The following RAF1 variants were observed in gnomAD, a reference collection of about 807,000 sequenced individuals.
RAF1 encodes Raf-1 proto-oncogene, serine/threonine kinase, also known as RAF proto-oncogene serine/threonine-protein kinase.
RAF1 carries 27 observed loss-of-function variants against 81.1 expected under a neutral mutation model. That is an observed-to-expected ratio of 0.33 (90% CI 0.25 to 0.46). The LOEUF (loss-of-function observed/expected upper bound fraction) is 0.46. RAF1 is among the 20% of genes least tolerant of loss of function. The probability of loss-of-function intolerance (pLI) is 1.00; values close to 1 mark genes in which losing one functional copy is unlikely to be tolerated. For missense variants in RAF1, 598 were observed against 826.0 expected, an observed-to-expected ratio of 0.72 and a Z score of 3.38; for synonymous variants, 298 against 294.0, an observed-to-expected ratio of 1.01 and a Z score of -0.14.
intron 10 of RAF1, 84 bp from the exon 10 acceptor site, chr3:12,599,892 T>C: frequency 1.6e-6 from 2 of 1,223,694 alleles, no homozygotes; most frequent in Non-Finnish European, 2.4e-6. Context: ...TCAACCCATG[T>C]CATCTGTTTC....
At chr3:12,634,963 A>G (rs1397680412) in intron 1 of RAF1, among the ~76,000 whole-genome samples, 1 of 152,188 alleles carries the variant, frequency 6.6e-6, no homozygotes, top group Non-Finnish European at 1.5e-5. Flanking sequence ...TGTATACAAG[A>G]TATAAACTAA....
intron 3 of RAF1, among the ~76,000 whole-genome samples, chr3:12,610,910 G>A (rs1559436692): frequency 6.6e-6 from 1 of 151,956 alleles, no homozygotes; most frequent in Non-Finnish European, 1.5e-5. Context: ...CCACCATTAG[G>A]AATAGGATAA....
chr3:12,656,858 G>T (rs1193768287), intron 1 of RAF1, among the ~76,000 whole-genome samples: 7 of 152,032 alleles, frequency 4.6e-5, no homozygotes, highest in African/African-American at 1.2e-4. Flanking sequence ...TTAGCCGGGC[G>T]TGGTGGCAGA....
At chr3:12,586,203 G>A (rs1472486524) in intron 14 of RAF1, among the ~76,000 whole-genome samples, 3 of 152,170 alleles carry the variant, frequency 2.0e-5, no homozygotes, top group Non-Finnish European at 4.4e-5. Context: ...GCTTACAGTC[G>A]TTTCTGCCTG....
intron 11 of RAF1, among the ~76,000 whole-genome samples, chr3:12,596,840 T>A (rs1351269778): frequency 6.6e-6 from 1 of 152,154 alleles, no homozygotes; most frequent in Non-Finnish European, 1.5e-5. Flanking sequence ...AAGCATGGCA[T>A]AAAAGTCCAC....
chr3:12,614,333 T>G (rs2059307051), intron 2 of RAF1, among the ~76,000 whole-genome samples: 1 of 152,150 alleles, frequency 6.6e-6, no homozygotes, highest in Non-Finnish European at 1.5e-5. Context: ...GAAAACAGAT[T>G]AAGCAGGCCT....
chr3:12,596,566 G>A (rs1032692560), intron 11 of RAF1, among the ~76,000 whole-genome samples: 3 of 152,136 alleles, frequency 2.0e-5, no homozygotes, highest in Admixed American at 6.5e-5. Context: ...AAATAAATAT[G>A]TTGAGTTTTA....
chr3:12,611,829 G>A, intron 3 of RAF1, 121 bp downstream of exon 3: 1 of 767,424 alleles, frequency 1.3e-6, no homozygotes. Flanking sequence ...TCTTTATAAA[G>A]AAAGGTATAG....
At chr3:12,662,940 C>G (rs1392933710) in intron 1 of RAF1, among the ~76,000 whole-genome samples, 1 of 152,064 alleles carries the variant, frequency 6.6e-6, no homozygotes, top group Non-Finnish European at 1.5e-5. Context: ...ATGAACGTGC[C>G]TTGAATTCAT....
chr3:12,645,954 T>C (rs537624731), intron 1 of RAF1, among the ~76,000 whole-genome samples: 53 of 152,302 alleles, frequency 3.5e-4, no homozygotes, highest in African/African-American at 1.2e-3. Context: ...AGACTGTATA[T>C]ACCATGTCTT....
intron 1 of RAF1, among the ~76,000 whole-genome samples, chr3:12,649,016 A>C (rs1347788211): frequency 6.6e-6 from 1 of 152,164 alleles, no homozygotes; most frequent in African/African-American, 2.4e-5. Context: ...TGGGAGGCTG[A>C]GGCAGGAGAA....
intron 2 of RAF1, among the ~76,000 whole-genome samples, chr3:12,613,007 A>C (rs2059263710): frequency 6.6e-6 from 1 of 152,202 alleles, no homozygotes; most frequent in Non-Finnish European, 1.5e-5. Context: ...AGTGGAAGAT[A>C]TAGAACTCCA....
chr3:12,658,602 CA>C (rs998185542), intron 1 of RAF1, among the ~76,000 whole-genome samples: 1 of 151,030 alleles, frequency 6.6e-6, no homozygotes, highest in Non-Finnish European at 1.5e-5. Flanking sequence ...AACTCCGTCT[CA>C]AAAAAAACAA....
chr3:12,622,618 C>T (rs995785594), intron 1 of RAF1, among the ~76,000 whole-genome samples: 28 of 152,180 alleles, frequency 1.8e-4, no homozygotes, highest in Admixed American at 1.6e-3. Context: ...AATACTGTTT[C>T]ATTTTCTGCA....
chr3:12,642,361 T>C (rs1315214595), intron 1 of RAF1, among the ~76,000 whole-genome samples: 1 of 147,356 alleles, frequency 6.8e-6, no homozygotes, highest in Admixed American at 6.8e-5. Context: ...ACACAACAAC[T>C]AGCCAGGCGT....
chr3:12,607,949 CA>C (rs58308841), intron 5 of RAF1, among the ~76,000 whole-genome samples: 9,216 of 66,828 alleles, frequency 0.14, 161 homozygotes, highest in African/African-American at 0.27. Flanking sequence ...GACTTGTCTC[CA>C]AAAAAAAAAA....
intron 1 of RAF1, among the ~76,000 whole-genome samples, chr3:12,639,030 A>G (rs1328447170): frequency 8.1e-6 from 1 of 124,210 alleles, no homozygotes; most frequent in Non-Finnish European, 1.7e-5. Flanking sequence ...TAAGCTTTTG[A>G]TGTGCTGCTG....
chr3:12,607,965 A>G (rs2125413096), intron 5 of RAF1, among the ~76,000 whole-genome samples: 1 of 151,400 alleles, frequency 6.6e-6, no homozygotes, highest in Non-Finnish European at 1.5e-5. Flanking sequence ...AAAAAAAAAA[A>G]AAAAAAAAGG....
intron 1 of RAF1, among the ~76,000 whole-genome samples, chr3:12,649,099 A>G (rs2060442093): frequency 6.6e-6 from 1 of 152,116 alleles, no homozygotes; most frequent in South Asian, 2.1e-4. Flanking sequence ...GGGTAACAAG[A>G]GCAAAACTCA....
Sources: gnomAD v4.1 joint callset for allele counts (sites outside exome capture counted in the v4.1 genomes callset) on GRCh38, gnomAD v4.1.1 for gene constraint, MANE v1.5 for transcripts, NCBI Gene and HGNC (gene_info 2026-07-23, HGNC 2026-07-21) for gene names.